TBRG1: variants seen among roughly 807,000 people sequenced by gnomAD.
TBRG1 encodes nuclear interactor of ARF and MDM2.
In TBRG1, 31 loss-of-function variants were observed where a neutral mutation model predicts 44.0. The observed-to-expected ratio is 0.70, with a 90% confidence interval of 0.53 to 0.95. The LOEUF is 0.95. TBRG1 is among the 40% of genes least tolerant of loss of function. The pLI is 0.00. For synonymous variants in TBRG1, 171 were observed against 188.1 expected, an observed-to-expected ratio of 0.91 and a Z score of 0.74; for missense variants, 487 against 496.1, an observed-to-expected ratio of 0.98 and a Z score of 0.18.
In TBRG1 at chr11:124,626,912, C is replaced by T. The variant is rs149295558; in HGVS notation, c.600C>T (p.Thr200=). 1.4e-5 allele frequency: 23 copies of T among 1,605,382 alleles called. No individual in the cohort carries two copies. Among genetic ancestry groups the T allele is most frequent in the Middle Eastern group, 1.6e-4 (1 of 6,072 alleles). ...GGGAATGTTTTTTATAGATCATCAC[C>T]GACCGACCTGGCTTTCATGATGAGA... ...LTVYSLGEII[T]DRPGFHDESA... Residue 200 remains threonine, a synonymous_variant, in exon 5 of 9, where the codon ACC becomes ACT. Coordinates refer to ENST00000441174, the MANE Select transcript of TBRG1 (RefSeq NM_032811.3).
At position 124,625,035 on chromosome 11, in the gene TBRG1, T is replaced by G. The variant is rs1205484276; in HGVS notation, c.221+34T>G. On this transcript the variant is annotated intron_variant, in intron 2 of 8. Transcript: ENST00000441174. ...GCTTCATTTTGTGTTCAGCATCACC[T>G]TTTTGGTGATTGATTTGGTGATTGA... 8 of 1,395,194 alleles carry G rather than the reference T, an allele frequency of 5.7e-6. No homozygotes were observed. The Admixed American group carries it at 1.3e-4, about 22-fold the overall frequency. 86.4% of individuals were successfully genotyped at this position (1,395,194 alleles called of 1,614,324 possible). A position where few individuals can be genotyped will look rare whatever the true frequency, so the allele number is the denominator to read the frequency against.
chr11:124,625,219 C>G (rs1173383427), intron 2 of TBRG1, among the ~76,000 whole-genome samples: 1 of 152,230 alleles, frequency 6.6e-6, no homozygotes, highest in African/African-American at 2.4e-5. Context: ...GACAGCTCCT[C>G]TACTCATCTT....
At chr11:124,626,693 C>A in intron 4 of TBRG1, 84 bp downstream of exon 4, 1 of 1,503,128 alleles carries the variant, frequency 6.7e-7, no homozygotes, top group Non-Finnish European at 9.1e-7. Context: ...TTCCCATTAG[C>A]AGCAGCCTCT....
rs1942675792 is a variant in TBRG1, at chr11:124,634,377, T to G, written c.*2139T>G. On this transcript the variant is annotated 3_prime_UTR_variant, in exon 9 of 9. Transcript: ENST00000441174. ...CACCTTGAAAAACACTGCCTTAGTA[T>G]ACTTAAACTATCTTTTCATCTATCA... 1 of 152,178 alleles carries G rather than the reference T, an allele frequency of 6.6e-6. No individual in the cohort carries two copies. Among genetic ancestry groups the G allele is most frequent in the African/African-American group, 2.4e-5 (1 of 41,436 alleles). The allele number at this position is 152,178 out of a possible 1,614,324, so 9.4% of individuals were successfully genotyped here. A position where few individuals can be genotyped will look rare whatever the true frequency, so the allele number is the denominator to read the frequency against.
Position 124,626,614 on chromosome 11 carries a change from G to A in TBRG1, c.591+5G>A, listed in dbSNP as rs1204006908. 6.4e-7 allele frequency: 1 copy of A among 1,551,528 alleles called. No homozygotes were observed. Among genetic ancestry groups the A allele is most frequent in the African/African-American group, 1.4e-5 (1 of 73,036 alleles). ...ACAGTATATAGCCTGGGGGAGGTGA[G>A]TGAGACCAGCGATATATAGAGAGGA... On this transcript the variant is annotated splice_donor_5th_base_variant and intron_variant, in intron 4 of 8. Coordinates refer to ENST00000441174, the MANE Select transcript of TBRG1 (RefSeq NM_032811.3).
chr11:124,628,114 T>TGC (rs1942523632), intron 5 of TBRG1, among the ~76,000 whole-genome samples: 1 of 45,196 alleles, frequency 2.2e-5, no homozygotes, highest in African/African-American at 9.7e-5. Flanking sequence ...TATATATATA[T>TGC]ATACACACAC....
intron 3 of TBRG1, 62 bp downstream of exon 3, chr11:124,625,965 G>A (rs1942459410): frequency 6.8e-7 from 1 of 1,468,950 alleles, no homozygotes; most frequent in South Asian, 1.5e-5. Flanking sequence ...AGTTAGACCT[G>A]GTACTAACTG....
At chr11:124,624,588 C>T (rs1359315033) in intron 1 of TBRG1, among the ~76,000 whole-genome samples, 1 of 152,010 alleles carries the variant, frequency 6.6e-6, no homozygotes, top group East Asian at 1.9e-4. Flanking sequence ...AGCAGTATGC[C>T]TTTTTCTTTG....
intron 3 of TBRG1, 147 bp downstream of exon 3, chr11:124,626,050 C>A: frequency 8.4e-7 from 1 of 1,190,764 alleles, no homozygotes; most frequent in Non-Finnish European, 1.1e-6. Flanking sequence ...CTTGAGAAAA[C>A]AAATGTCAAA....
At chr11:124,624,377 A>AG (rs1942409734) in intron 1 of TBRG1, among the ~76,000 whole-genome samples, 1 of 148,572 alleles carries the variant, frequency 6.7e-6, no homozygotes, top group Admixed American at 6.6e-5. Context: ...AAAAAAAAAA[A>AG]AAAAAAGAAA....
At position 124,634,794 on chromosome 11, in the gene TBRG1, T is replaced by C. The variant is rs1272865168; in HGVS notation, c.*2556T>C. 1 of 152,190 alleles carries C rather than the reference T, an allele frequency of 6.6e-6. No homozygotes were observed. The highest frequency in any genetic ancestry group is 1.5e-5 in the Non-Finnish European group (1 of 68,032). The allele number at this position is 152,190 out of a possible 1,614,324, so 9.4% of individuals were successfully genotyped here. A position where few individuals can be genotyped will look rare whatever the true frequency, so the allele number is the denominator to read the frequency against. ...TAAGTCAAAAACACAGATTACAAAATAATATGTACTGTATAAAATTATATA... is the reference window on the plus strand; with the variant it reads ...TAAGTCAAAAACACAGATTACAAAACAATATGTACTGTATAAAATTATATA... On this transcript the variant is annotated 3_prime_UTR_variant, in exon 9 of 9. Transcript: ENST00000441174.
Position 124,632,462 on chromosome 11 carries a change from C to A in TBRG1, c.*224C>A. Reference sequence around the variant, plus strand: ...ATTCTGTTTACTTTCATCTTGTAATCGGGATGTAATCTTTTTTGCTTAGCT... The same window carrying A: ...ATTCTGTTTACTTTCATCTTGTAATAGGGATGTAATCTTTTTTGCTTAGCT... On this transcript the variant is annotated 3_prime_UTR_variant, in exon 9 of 9. Coordinates refer to ENST00000441174, the MANE Select transcript of TBRG1 (RefSeq NM_032811.3). 2.5e-6 allele frequency: 1 copy of A among 403,444 alleles called. No homozygotes were observed. The highest frequency in any genetic ancestry group is 4.5e-6 in the Non-Finnish European group (1 of 223,512). 25.0% of individuals were successfully genotyped at this position (403,444 alleles called of 1,614,324 possible).
chr11:124,626,676 C>T (rs2134327568), intron 4 of TBRG1, 67 bp downstream of exon 4: 1 of 1,527,484 alleles, frequency 6.5e-7, no homozygotes, highest in South Asian at 1.2e-5. Context: ...TGAGCCTTCC[C>T]TCCCTGTTCC....
chr11:124,631,982 A>T (rs1430504453), intron 8 of TBRG1, 111 bp from the exon 9 acceptor site: 1 of 906,296 alleles, frequency 1.1e-6, no homozygotes, highest in African/African-American at 1.7e-5. Context: ...AATTGAGCTG[A>T]CAAATGCAAG....
At chr11:124,626,713 A>G (rs1408046643) in intron 4 of TBRG1, 104 bp downstream of exon 4, 1 of 1,451,434 alleles carries the variant, frequency 6.9e-7, no homozygotes, top group African/African-American at 1.4e-5. Flanking sequence ...TTGCTGATCC[A>G]TACCAACCCC....
Position 124,632,098 on chromosome 11 carries a change from T to C in TBRG1, c.1096T>C (p.Leu366=), listed in dbSNP as rs148886453. 3.1e-4 allele frequency: 502 copies of C among 1,613,668 alleles called. 4 individuals are homozygous for C. In the East Asian group the frequency reaches 9.9e-3, roughly 32 times the overall value. The stretch of plus-strand genomic sequence containing the variant: ...TAAGGAATTGTTTTCTCCAGGATCC[T>C]TGGACCTCCCAGAGCTTCAGCCTGC... The part of the protein sequence containing the change: ...DQNDPLLPGS[L]DLPELQPAAF... Residue 366 remains leucine (L), a synonymous_variant, in exon 9 of 9, where the codon TTG becomes CTG. Coordinates refer to ENST00000441174, the MANE Select transcript of TBRG1 (RefSeq NM_032811.3).
At position 124,622,886 on chromosome 11, in the gene TBRG1, T is replaced by C. The variant is rs968382153; in HGVS notation, c.-198T>C. ...CTTACTTCCAAGACAGACACGGAAG[T>C]GCTGGGAGGCGCCGGGAGCCCGTTC... On this transcript the variant is annotated 5_prime_UTR_variant, in exon 1 of 9. Coordinates refer to ENST00000441174, the MANE Select transcript of TBRG1 (RefSeq NM_032811.3). The C allele has an allele frequency of 1.0e-5, 6 of 579,090 alleles. No homozygotes were observed. In the Admixed American group the frequency reaches 1.4e-4, roughly 13 times the overall value. The allele number at this position is 579,090 out of a possible 1,614,324, so 35.9% of individuals were successfully genotyped here.
Position 124,630,875 on chromosome 11 carries a change from T to G in TBRG1, c.947+20T>G. On this transcript the variant is annotated intron_variant, in intron 7 of 8. Transcript: ENST00000441174. The stretch of plus-strand genomic sequence containing the variant: ...CATCAAGTAAGTGTGATCAAATTCA[T>G]TCCCTTGAGAAAAGCTCAGTGATCA... 1 of 1,481,980 alleles carries G rather than the reference T, an allele frequency of 6.7e-7. No individual in the cohort carries two copies. Among genetic ancestry groups the G allele is most frequent in the Non-Finnish European group, 9.3e-7 (1 of 1,077,172 alleles). 91.8% of individuals were successfully genotyped at this position (1,481,980 alleles called of 1,614,324 possible).
chr11:124,624,906 A>T, intron 1 of TBRG1, 25 bp from the exon 2 acceptor site: 1 of 1,427,640 alleles, frequency 7.0e-7, no homozygotes, highest in Non-Finnish European at 9.6e-7. Context: ...ATTTTATGTT[A>T]TTATATTCAC....
Sources: allele counts gnomAD v4.1 joint callset (sites outside exome capture counted in the v4.1 genomes callset), GRCh38; gene constraint gnomAD v4.1.1; transcripts MANE v1.5; gene names NCBI Gene and HGNC (gene_info 2026-07-23, HGNC 2026-07-21).